Variants in FHIT observed in about 807,000 individuals in gnomAD.
FHIT encodes fragile histidine triad diadenosine triphosphatase.
Under a neutral mutation model 17.9 loss-of-function variants are expected in FHIT, and 19 were observed. The observed-to-expected ratio is 1.06, with a 90% CI of 0.74 to 1.56. The LOEUF is 1.56. FHIT is among the 40% of genes most tolerant of loss of function. FHIT has a pLI of 0.00. For missense variants in FHIT, 248 were observed against 189.2 expected (o/e 1.31, Z -1.82); for synonymous variants, 81 against 69.7 (o/e 1.16, Z -0.81).
intron 5 of FHIT, among the ~76,000 whole-genome samples, chr3:60,163,936 T>C (rs1701047423): frequency 1.3e-5 from 2 of 152,146 alleles, no homozygotes; most frequent in South Asian, 4.1e-4. Context: ...CTGTCATTCT[T>C]TGACCATCTC....
chr3:61,065,926 C>T (rs2034593716), intron 2 of FHIT, among the ~76,000 whole-genome samples: 1 of 152,104 alleles, frequency 6.6e-6, no homozygotes, highest in South Asian at 2.1e-4. Context: ...TCTTAGTCTG[C>T]TTTGTGCCGC....
At position 61,012,195 on chromosome 3, in the gene FHIT, G is replaced by T. The variant is rs74341515; in HGVS notation, c.-111+29852C>A. On this transcript the variant is annotated intron_variant, in intron 3 of 9. Coordinates refer to ENST00000492590, the MANE Select transcript of FHIT (RefSeq NM_002012.4). ...AGTTTTCCCACCTCTGAGTCTATCA[G>T]ATTCAATATGGCACCTCTAAGAGAA... Among the ~76,000 whole-genome samples, 171 of 152,218 alleles carry T rather than the reference G, an allele frequency of 1.1e-3. 3 individuals carry two copies. The East Asian group carries it at 0.032, about 29-fold the overall frequency.
At chr3:60,307,375 C>T (rs1708726255) in intron 5 of FHIT, among the ~76,000 whole-genome samples, 1 of 152,184 alleles carries the variant, frequency 6.6e-6, no homozygotes, top group Non-Finnish European at 1.5e-5. Flanking sequence ...AATACTTCAT[C>T]TGCCCGAAGG....
chr3:60,827,109 G>T (rs1702152607), intron 3 of FHIT, among the ~76,000 whole-genome samples: 1 of 152,188 alleles, frequency 6.6e-6, no homozygotes, highest in Non-Finnish European at 1.5e-5. Flanking sequence ...ATTCTTGAAA[G>T]GGGCTAGAAT....
chr3:60,969,336 T>G (rs1709897728), intron 3 of FHIT, among the ~76,000 whole-genome samples: 2 of 152,160 alleles, frequency 1.3e-5, no homozygotes, highest in Admixed American at 1.3e-4. Context: ...AGTGCTTTTT[T>G]ATTTCTGATT....
At chr3:60,117,320 A>G (rs546376974) in intron 5 of FHIT, among the ~76,000 whole-genome samples, 1 of 152,276 alleles carries the variant, frequency 6.6e-6, no homozygotes, top group South Asian at 2.1e-4. Flanking sequence ...AAACTTCTAG[A>G]AAGAAAATAT....
intron 7 of FHIT, among the ~76,000 whole-genome samples, chr3:59,987,673 A>C (rs1709045772): frequency 6.6e-6 from 1 of 151,842 alleles, no homozygotes; most frequent in Non-Finnish European, 1.5e-5. Context: ...CTTAATATGC[A>C]CTTTTTTTTC....
At chr3:60,639,498 T>C (rs929852093) in intron 4 of FHIT, among the ~76,000 whole-genome samples, 3 of 152,160 alleles carry the variant, frequency 2.0e-5, no homozygotes, top group African/African-American at 7.2e-5. Flanking sequence ...GAAAGGGCCA[T>C]CGTAAATGCC....
At chr3:60,520,567 A>G (rs1576803295) in intron 5 of FHIT, among the ~76,000 whole-genome samples, 1 of 152,150 alleles carries the variant, frequency 6.6e-6, no homozygotes, top group African/African-American at 2.4e-5. Flanking sequence ...CAGGCTGAAC[A>G]CTCCAAAATG....
At chr3:60,584,070 G>C (rs2037830204) in intron 4 of FHIT, among the ~76,000 whole-genome samples, 1 of 152,038 alleles carries the variant, frequency 6.6e-6, no homozygotes, top group Non-Finnish European at 1.5e-5. Context: ...TATAGGTACA[G>C]TTCCTTAGAG....
At chr3:60,942,304 T>C (rs1279365624) in intron 3 of FHIT, among the ~76,000 whole-genome samples, 2 of 152,346 alleles carry the variant, frequency 1.3e-5, no homozygotes, top group Middle Eastern at 3.4e-3. Flanking sequence ...CAAATATTAA[T>C]TGAGTGAATG....
intron 9 of FHIT, chr3:59,750,180 A>G (rs1310388737): frequency 4.4e-6 from 1 of 226,420 alleles, no homozygotes; most frequent in Non-Finnish European, 8.8e-6. Context: ...CAAAGCCTAC[A>G]GGAAATTTGG....
intron 2 of FHIT, among the ~76,000 whole-genome samples, chr3:61,148,663 A>T (rs575793159): frequency 6.6e-6 from 1 of 152,326 alleles, no homozygotes; most frequent in African/African-American, 2.4e-5. Context: ...TTCCATGAAC[A>T]TTCTTGTATA....
intron 4 of FHIT, among the ~76,000 whole-genome samples, chr3:60,675,119 C>T (rs2040592574): frequency 6.6e-6 from 1 of 152,182 alleles, no homozygotes; most frequent in Non-Finnish European, 1.5e-5. Flanking sequence ...GGGTCACAGC[C>T]CTGCATTGCC....
intron 8 of FHIT, among the ~76,000 whole-genome samples, chr3:59,875,028 T>A (rs1482596237): frequency 6.6e-6 from 1 of 152,200 alleles, no homozygotes; most frequent in Non-Finnish European, 1.5e-5. Context: ...AAACCCTTAT[T>A]AGAGTGGTCC....
chr3:59,798,411 C>T (rs1310921159), intron 8 of FHIT, among the ~76,000 whole-genome samples: 2 of 152,182 alleles, frequency 1.3e-5, no homozygotes, highest in Non-Finnish European at 1.5e-5. Context: ...TCCTCTCAGA[C>T]ACATGAATGC....
At chr3:60,120,845 A>ATT (rs34059017) in intron 5 of FHIT, among the ~76,000 whole-genome samples, 32 of 149,754 alleles carry the variant, frequency 2.1e-4, no homozygotes, top group South Asian at 6.3e-4. Context: ...CAGCTAAGTG[A>ATT]TTTTTTTTTT....
chr3:60,043,565 T>G (rs542739970), intron 5 of FHIT, among the ~76,000 whole-genome samples: 3 of 152,332 alleles, frequency 2.0e-5, no homozygotes, highest in Non-Finnish European at 2.9e-5. Flanking sequence ...ATCAACCCCA[T>G]GCTCTTGAGC....
intron 5 of FHIT, among the ~76,000 whole-genome samples, chr3:60,071,889 T>TTTATAAAA (rs1702789409): frequency 6.6e-6 from 1 of 152,086 alleles, no homozygotes; most frequent in Non-Finnish European, 1.5e-5. Context: ...AAAGCGGAGT[T>TTTATAAAA]CCCCTCTACA....
Sources: gnomAD v4.1 joint callset for allele counts (sites outside exome capture counted in the v4.1 genomes callset) on GRCh38, gnomAD v4.1.1 for gene constraint, MANE v1.5 for transcripts, NCBI Gene and HGNC (gene_info 2026-07-23, HGNC 2026-07-21) for gene names.